The following GLIPR1 variants were observed in gnomAD, a reference collection of about 807,000 sequenced individuals.
GLIPR1 encodes GLI pathogenesis related 1, also known as glioma pathogenesis-related protein 1.
A neutral mutation model predicts 30.3 loss-of-function variants in GLIPR1; 38 were observed. That is an observed-to-expected ratio of 1.26 (90% confidence interval 0.97 to 1.65). The LOEUF is 1.65. Ranked by LOEUF, GLIPR1 falls within the 40% of genes most tolerant of loss-of-function variation. GLIPR1 has a pLI of 0.00. For missense variants in GLIPR1, 285 were observed against 326.5 expected (o/e 0.87, Z 0.98); for synonymous variants, 122 against 110.6 (o/e 1.10, Z -0.65).
At position 75,490,475 on chromosome 12, in the gene GLIPR1, G is replaced by A. The variant is rs1035682004; in HGVS notation, c.490G>A (p.Ala164Thr). ...TTGCCCTAAAGTTTCTGGCTTTGAC[G>A]CTCTTTCCAATGGAGCACATTTTAT... ...QFCPKVSGFD[A>T]LSNGAHFICN... The change falls in exon 3 of 6, where the codon GCT (alanine) becomes ACT (threonine). Residue 164 changes from alanine (A) to threonine (T), a missense_variant. Physicochemically the swap from Ala to Thr is moderately conservative, Grantham distance 58 (BLOSUM62 0). Transcript: ENST00000266659. 1.3e-5 allele frequency: 20 copies of A among 1,535,466 alleles called. No individual in the cohort carries two copies. Among genetic ancestry groups the A allele is most frequent in the East Asian group, 2.6e-5 (1 of 38,506 alleles).
At chr12:75,497,528 C>T (rs1431923308) in intron 4 of GLIPR1, 1 of 152,116 alleles carries the variant, frequency 6.6e-6, no homozygotes, top group Admixed American at 6.6e-5. Flanking sequence ...TAAGTTTAGG[C>T]TTACTTGAAA....
chr12:75,502,066 G>C lies in GLIPR1; in HGVS notation c.*3088G>C. 3.2e-6 allele frequency: 4 copies of C among 1,267,536 alleles called. No homozygotes were observed. The highest frequency in any genetic ancestry group is 3.4e-6 in the Non-Finnish European group (3 of 874,846). The allele number at this position is 1,267,536 out of a possible 1,614,324, so 78.5% of individuals were successfully genotyped here. On this transcript the variant is annotated 3_prime_UTR_variant, in exon 6 of 6. Transcript: ENST00000266659. ...AGAGGAGAAGTCATGTCCTAAGCAA[G>C]TCACAATATCCTTAGGGTAAAAACA...
Position 75,480,991 on chromosome 12 carries a change from C to T in GLIPR1, c.111C>T (p.Cys37=), listed in dbSNP as rs1463894884. Residue 37 remains cysteine, a synonymous_variant, in exon 1 of 6, where the codon TGC becomes TGT. Coordinates refer to ENST00000266659, the MANE Select transcript of GLIPR1 (RefSeq NM_006851.3). The part of the protein sequence containing the change: ...DIENEDFIKD[C]VRIHNKFRSE... ...AAAATGAAGATTTCATCAAAGACTG[C>T]GTTCGAATCCATAACAAGTTCCGAT... The T allele has an allele frequency of 3.1e-6, 5 of 1,613,534 alleles. No individual in the cohort carries two copies. The highest frequency in any genetic ancestry group is 3.4e-6 in the Non-Finnish European group (4 of 1,179,496).
chr12:75,481,588 ATT>A (rs2046271258), intron 1 of GLIPR1, among the ~76,000 whole-genome samples: 1 of 151,970 alleles, frequency 6.6e-6, no homozygotes, highest in African/African-American at 2.4e-5. Context: ...GGCACACACT[ATT>A]TTGCCCACAA....
rs1345588086 is a variant in GLIPR1, at chr12:75,500,953, A to G, written c.*1975A>G. ...TTTTATATAACCAATAATCTACCAT[A>G]GAATGTAGTATTTTTAAAGCTATTA... On this transcript the variant is annotated 3_prime_UTR_variant, in exon 6 of 6. Coordinates refer to ENST00000266659, the MANE Select transcript of GLIPR1 (RefSeq NM_006851.3). 6.6e-6 allele frequency: 1 copy of G among 152,102 alleles called. No homozygotes were observed. 9.4% of individuals were successfully genotyped at this position (152,102 alleles called of 1,614,324 possible).
chr12:75,480,815 A>G lies in GLIPR1; in HGVS notation c.-66A>G, dbSNP rs1363757590. On this transcript the variant is annotated 5_prime_UTR_variant, in exon 1 of 6. Transcript: ENST00000266659. ...AAGCTGTGGGCTGAGCACTCAGGCA[A>G]TCACACTCTCAGAAACTGCGGCGGC... is the stretch of plus-strand genomic sequence containing the variant. 11 of 1,304,626 alleles carry G rather than the reference A, an allele frequency of 8.4e-6. No individual in the cohort carries two copies. Among genetic ancestry groups the G allele is most frequent in the Admixed American group, 4.1e-5 (2 of 48,454 alleles). 80.8% of individuals were successfully genotyped at this position (1,304,626 alleles called of 1,614,324 possible).
At chr12:75,481,777 A>G in intron 1 of GLIPR1, 57 bp from the exon 2 acceptor site, 1 of 1,533,330 alleles carries the variant, frequency 6.5e-7, no homozygotes, top group Non-Finnish European at 9.0e-7. Flanking sequence ...TTCCCACTGT[A>G]CTCACCCCAG....
intron 2 of GLIPR1, among the ~76,000 whole-genome samples, chr12:75,490,066 C>T (rs908280877): frequency 2.0e-5 from 3 of 152,090 alleles, no homozygotes; most frequent in Non-Finnish European, 4.4e-5. Context: ...GCTGCATCCT[C>T]GTCGTCCAAG....
Position 75,502,171 on chromosome 12 carries a change from A to G in GLIPR1, c.*3193A>G. 7 of 576,840 alleles carry G rather than the reference A, an allele frequency of 1.2e-5. No homozygotes were observed. The South Asian group carries it at 1.5e-4, about 13-fold the overall frequency. The allele number at this position is 576,840 out of a possible 1,614,324, so 35.7% of individuals were successfully genotyped here. A position where few individuals can be genotyped will look rare whatever the true frequency, so the allele number is the denominator to read the frequency against. ...TCTAAGCTGAGGGGAATACATACAC[A>G]AAAGTGTGGAGGTAGGAAAGCACCT... On this transcript the variant is annotated 3_prime_UTR_variant, in exon 6 of 6. Transcript: ENST00000266659.
chr12:75,501,666 T>A lies in GLIPR1; in HGVS notation c.*2688T>A. 8.8e-7 allele frequency: 1 copy of A among 1,137,730 alleles called. No homozygotes were observed. Among genetic ancestry groups the A allele is most frequent in the Non-Finnish European group, 1.3e-6 (1 of 771,726 alleles). The allele number at this position is 1,137,730 out of a possible 1,614,324, so 70.5% of individuals were successfully genotyped here. A position where few individuals can be genotyped will look rare whatever the true frequency, so the allele number is the denominator to read the frequency against. On this transcript the variant is annotated 3_prime_UTR_variant, in exon 6 of 6. Transcript: ENST00000266659. The stretch of plus-strand genomic sequence containing the variant: ...TTTCTTAAAAAGATTCAGACAAATT[T>A]ATTATGGGTTTACTTTTCCTAATTA...
chr12:75,494,862 C>T (rs752238616), intron 3 of GLIPR1: 1 of 152,204 alleles, frequency 6.6e-6, no homozygotes, highest in Non-Finnish European at 1.5e-5. Context: ...TGTGACTCAG[C>T]CTCTAGCTAT....
intron 1 of GLIPR1, chr12:75,481,475 C>T (rs543936990): frequency 4.0e-6 from 1 of 251,174 alleles, no homozygotes; most frequent in South Asian, 6.4e-5. Flanking sequence ...TTCAGTAAGG[C>T]TTGGGATTGA....
chr12:75,481,101 T>TA, intron 1 of GLIPR1, 47 bp downstream of exon 1: 1 of 1,435,624 alleles, frequency 7.0e-7, no homozygotes, highest in South Asian at 1.2e-5. Context: ...CAGAAACAAC[T>TA]AATGTGTATT....
At chr12:75,482,713 G>GTT (rs35532052) in intron 2 of GLIPR1, among the ~76,000 whole-genome samples, 2 of 142,112 alleles carry the variant, frequency 1.4e-5, no homozygotes, top group African/African-American at 2.6e-5. Flanking sequence ...CACCCATTGA[G>GTT]TTTTTTTTTT....
At position 75,500,652 on chromosome 12, in the gene GLIPR1, A is replaced by T. The variant is rs2046387296; in HGVS notation, c.*1674A>T. 6.7e-6 allele frequency: 1 copy of T among 149,706 alleles called. No individual in the cohort carries two copies. Among genetic ancestry groups the T allele is most frequent in the Admixed American group, 6.6e-5 (1 of 15,162 alleles). 9.3% of individuals were successfully genotyped at this position (149,706 alleles called of 1,614,324 possible). On this transcript the variant is annotated 3_prime_UTR_variant, in exon 6 of 6. Coordinates refer to ENST00000266659, the MANE Select transcript of GLIPR1 (RefSeq NM_006851.3). ...TCCCCCTAATAGAAGCCAACTATCT[A>T]ATCAATGCCAAAAGTGTGAACAAAA... is the stretch of plus-strand genomic sequence containing the variant.
chr12:75,493,876 T>A (rs1266396185), intron 3 of GLIPR1: 1 of 152,236 alleles, frequency 6.6e-6, no homozygotes, highest in Non-Finnish European at 1.5e-5. Flanking sequence ...TTTTAGCTTA[T>A]TTTTAAGTAG....
chr12:75,487,458 T>C (rs1053351580), intron 2 of GLIPR1, among the ~76,000 whole-genome samples: 5 of 152,254 alleles, frequency 3.3e-5, no homozygotes, highest in African/African-American at 1.2e-4. Flanking sequence ...AGGCCTAAGC[T>C]GATTCATTGC....
chr12:75,503,599 CA>C lies in GLIPR1; in HGVS notation c.*4624del, dbSNP rs1404285668. 1.0e-5 allele frequency: 2 copies of C among 197,636 alleles called. No individual in the cohort carries two copies. The highest frequency in any genetic ancestry group is 5.9e-5 in the Admixed American group (1 of 16,812). 12.2% of individuals were successfully genotyped at this position (197,636 alleles called of 1,614,324 possible). A position where few individuals can be genotyped will look rare whatever the true frequency, so the allele number is the denominator to read the frequency against. On this transcript the variant is annotated 3_prime_UTR_variant, in exon 6 of 6. Coordinates refer to ENST00000266659, the MANE Select transcript of GLIPR1 (RefSeq NM_006851.3). ...GAGCACACAGTCACAATAATGTTGC[CA>C]AATCAGAGAAAAGAGTATTGCAGAC...
chr12:75,492,636 CTT>C (rs2046329836), intron 3 of GLIPR1: 1 of 152,130 alleles, frequency 6.6e-6, no homozygotes, highest in Admixed American at 6.5e-5. Context: ...TTTAGACTCA[CTT>C]ATCTTCAGAG....
Sources: gnomAD v4.1 joint callset for allele counts (sites outside exome capture counted in the v4.1 genomes callset) on GRCh38, gnomAD v4.1.1 for gene constraint, MANE v1.5 for transcripts, NCBI Gene and HGNC (gene_info 2026-07-23, HGNC 2026-07-21) for gene names.